The following PLSCR4 variants were observed in gnomAD, a reference collection of about 807,000 sequenced individuals.
PLSCR4 encodes the protein phospholipid scramblase 4.
Under a neutral mutation model 36.3 loss-of-function variants are expected in PLSCR4, and 25 were observed. The ratio of observed to expected loss-of-function variants is 0.69; its 90% confidence interval spans 0.50 to 0.96. PLSCR4 has a LOEUF of 0.96. PLSCR4 is among the 40% of genes least tolerant of loss of function. The probability of loss-of-function intolerance (pLI) is 0.00; values close to 1 mark genes in which losing one functional copy is unlikely to be tolerated. For missense variants in PLSCR4, 408 were observed against 414.7 expected (o/e 0.98, Z 0.14); for synonymous variants, 122 against 132.9 (o/e 0.92, Z 0.56).
chr3:146,223,895 AT>A (rs1407504746), intron 1 of PLSCR4: 65 of 147,434 alleles, frequency 4.4e-4, no homozygotes, highest in African/African-American at 9.3e-4. Context: ...TTACATTTAT[AT>A]TTTAAATATA....
At chr3:146,235,731 T>C (rs998332653) in intron 1 of PLSCR4, among the ~76,000 whole-genome samples, 2 of 152,136 alleles carry the variant, frequency 1.3e-5, no homozygotes, top group Non-Finnish European at 2.9e-5. Flanking sequence ...ACTTGTTAAA[T>C]TGTTGTGACC....
At chr3:146,248,511 G>A (rs1298762705) in intron 1 of PLSCR4, among the ~76,000 whole-genome samples, 1 of 143,522 alleles carries the variant, frequency 7.0e-6, no homozygotes, top group Non-Finnish European at 1.5e-5. Flanking sequence ...CACACACAGT[G>A]TTTCAACTTG....
chr3:146,208,768 T>C lies in PLSCR4; in HGVS notation c.119-2007A>G, dbSNP rs1246832372. On this transcript the variant is annotated intron_variant, in intron 3 of 8. Coordinates refer to ENST00000354952, the MANE Select transcript of PLSCR4 (RefSeq NM_020353.3). ...AATCAAAAACTCAAAAAATAACAGA[T>C]GTTGACATGTACGGAGAACAGGGAA... Among the ~76,000 whole-genome samples, 4 of 152,032 alleles carry C rather than the reference T, an allele frequency of 2.6e-5. No individual in the cohort carries two copies. The East Asian group carries it at 5.8e-4, about 22-fold the overall frequency.
intron 4 of PLSCR4, among the ~76,000 whole-genome samples, chr3:146,204,810 T>C (rs1470315805): frequency 6.6e-6 from 1 of 152,064 alleles, no homozygotes; most frequent in African/African-American, 2.4e-5. Context: ...AAATGAGACT[T>C]TCTAAACTTG....
At chr3:146,243,741 C>A (rs897228263) in intron 1 of PLSCR4, among the ~76,000 whole-genome samples, 1 of 152,134 alleles carries the variant, frequency 6.6e-6, no homozygotes, top group African/African-American at 2.4e-5. Flanking sequence ...AAGACAAAAA[C>A]CATTGTTAAT....
At chr3:146,231,305 T>C (rs559553217) in intron 1 of PLSCR4, among the ~76,000 whole-genome samples, 121 of 152,304 alleles carry the variant, frequency 7.9e-4, no homozygotes, top group African/African-American at 2.9e-3. Context: ...TTGTTGCTAT[T>C]GTGCTGCAAT....
At chr3:146,220,744 T>C in intron 3 of PLSCR4, 71 bp downstream of exon 3, 1 of 989,010 alleles carries the variant, frequency 1.0e-6, no homozygotes, top group Non-Finnish European at 1.5e-6. Flanking sequence ...ATTTGTTCGC[T>C]TAAAAAGCAA....
At chr3:146,205,268 G>A (rs1185410616) in intron 4 of PLSCR4, among the ~76,000 whole-genome samples, 1 of 152,032 alleles carries the variant, frequency 6.6e-6, no homozygotes, top group Non-Finnish European at 1.5e-5. Context: ...CAAGCCCTCA[G>A]TGGATACCTG....
rs2035444617 is a variant in PLSCR4, at chr3:146,225,773, G to A, written c.-21-3681C>T. ...GCCCACCCGGAACTCCAGCTGGCCC[G>A]CAAGCGCCGCACGCGGTTGCCGCTG... is the stretch of plus-strand genomic sequence containing the variant. On this transcript the variant is annotated intron_variant, in intron 1 of 8. Coordinates refer to ENST00000354952, the MANE Select transcript of PLSCR4 (RefSeq NM_020353.3). 2.0e-5 allele frequency among the ~76,000 whole-genome samples: 3 copies of A among 152,154 alleles called. No individual in the cohort carries two copies. In the South Asian group the frequency reaches 6.2e-4, roughly 31 times the overall value.
At chr3:146,220,416 A>G (rs1019354515) in intron 3 of PLSCR4, among the ~76,000 whole-genome samples, 1 of 152,178 alleles carries the variant, frequency 6.6e-6, no homozygotes. Context: ...TTACGGACAT[A>G]TGATTCTTTC....
At chr3:146,211,124 A>G (rs552224298) in intron 3 of PLSCR4, among the ~76,000 whole-genome samples, 40 of 152,084 alleles carry the variant, frequency 2.6e-4, no homozygotes, top group Admixed American at 7.9e-4. Flanking sequence ...CTCCATTATT[A>G]ACTGCCAAAC....
At position 146,212,988 on chromosome 3, in the gene PLSCR4, T is replaced by C. The variant is rs1285317121; in HGVS notation, c.119-6227A>G. Among the ~76,000 whole-genome samples, 3 of 152,220 alleles carry C rather than the reference T, an allele frequency of 2.0e-5. No homozygotes were observed. In the East Asian group the frequency reaches 5.8e-4, roughly 29 times the overall value. The stretch of plus-strand genomic sequence containing the variant: ...TGATGTGGTCATGTGGTGTTTGTAC[T>C]ATATTTTATTAATATAGTACATACA... On this transcript the variant is annotated intron_variant, in intron 3 of 8. Coordinates refer to ENST00000354952, the MANE Select transcript of PLSCR4 (RefSeq NM_020353.3).
At position 146,192,801 on chromosome 3, in the gene PLSCR4, C is replaced by A. The variant is rs1399158902; in HGVS notation, c.*1610G>T. 6.6e-5 allele frequency: 10 copies of A among 150,606 alleles called. No homozygotes were observed. The highest frequency in any genetic ancestry group is 2.5e-4 in the African/African-American group (10 of 40,404). 9.3% of individuals were successfully genotyped at this position (150,606 alleles called of 1,614,324 possible). A position where few individuals can be genotyped will look rare whatever the true frequency, so the allele number is the denominator to read the frequency against. On this transcript the variant is annotated 3_prime_UTR_variant, in exon 9 of 9. Transcript: ENST00000354952. ...ATAAGGCAATTAATATTTTAGAAAG[C>A]AGCAACTTTTACTTTTTTTAAAAAA...
intron 5 of PLSCR4, among the ~76,000 whole-genome samples, chr3:146,200,695 G>A (rs1477974856): frequency 6.6e-6 from 1 of 152,068 alleles, no homozygotes; most frequent in Admixed American, 6.6e-5. Flanking sequence ...TTAGCTGACT[G>A]TGGTGTCCCT....
chr3:146,242,396 T>C (rs1466568341), intron 1 of PLSCR4, among the ~76,000 whole-genome samples: 1 of 152,158 alleles, frequency 6.6e-6, no homozygotes, highest in Non-Finnish European at 1.5e-5. Context: ...GCATGCCCAG[T>C]GTACTCACTG....
intron 1 of PLSCR4, among the ~76,000 whole-genome samples, chr3:146,235,989 G>C (rs1432298757): frequency 1.3e-5 from 2 of 151,952 alleles, no homozygotes; most frequent in African/African-American, 4.8e-5. Flanking sequence ...CTAATAACCT[G>C]TGCTCATACG....
chr3:146,246,144 T>C lies in PLSCR4; in HGVS notation c.-22+4816A>G, dbSNP rs575869970. On this transcript the variant is annotated intron_variant, in intron 1 of 8. Coordinates refer to ENST00000354952, the MANE Select transcript of PLSCR4 (RefSeq NM_020353.3). ...AACCTAGGTCCATGTTGATAAAATA[T>C]GCTGCAGCAGGAATGTCCCATAGAT... Among the ~76,000 whole-genome samples the C allele has an allele frequency of 1.1e-4, 17 of 152,250 alleles. No homozygotes were observed. The East Asian group carries it at 3.3e-3, about 29-fold the overall frequency.
intron 3 of PLSCR4, among the ~76,000 whole-genome samples, chr3:146,216,577 A>G (rs2034901041): frequency 6.6e-6 from 1 of 152,228 alleles, no homozygotes. Flanking sequence ...TCCTTAATTT[A>G]TAGAGAATAA....
rs764199832 is a variant in PLSCR4, at chr3:146,195,231, T to TC, written c.837dup (p.Asn280GlufsTer11). 6.2e-7 allele frequency: 1 copy of TC among 1,613,742 alleles called. No individual in the cohort carries two copies. The highest frequency in any genetic ancestry group is 8.5e-7 in the Non-Finnish European group (1 of 1,179,700). On this transcript the variant is annotated frameshift_variant, in exon 8 of 9. Transcript: ENST00000354952. LOFTEE classifies it high-confidence loss of function. Reference sequence around the variant, plus strand: ...TCTGCCATTGCTGATAACAAACCATTCCACTTCCGGATAATACTGCCGATG... The same window carrying TC: ...TCTGCCATTGCTGATAACAAACCATTCCCACTTCCGGATAATACTGCCGATG...
Sources: allele counts gnomAD v4.1 joint callset (sites outside exome capture counted in the v4.1 genomes callset), GRCh38; gene constraint gnomAD v4.1.1; transcripts MANE v1.5; gene names NCBI Gene and HGNC (gene_info 2026-07-23, HGNC 2026-07-21).